The following ACCSL variants were observed in gnomAD, a reference collection of about 807,000 sequenced individuals.
The protein encoded by ACCSL is probable inactive 1-aminocyclopropane-1-carboxylate synthase-like protein 2.
ACCSL carries 55 observed loss-of-function variants against 61.7 expected under a neutral mutation model. The ratio of observed to expected loss-of-function variants is 0.89; its 90% confidence interval spans 0.72 to 1.12. The LOEUF (loss-of-function observed/expected upper bound fraction) is 1.12. Ranked by LOEUF, ACCSL falls within the 50% of genes most tolerant of loss-of-function variation. ACCSL has a pLI of 0.00. For synonymous variants in ACCSL, 258 were observed against 264.3 expected, an observed-to-expected ratio of 0.98 and a Z score of 0.23; for missense variants, 632 against 698.0, an observed-to-expected ratio of 0.91 and a Z score of 1.07.
At chr11:44,016,135 G>C in the ACCSL span, among the ~76,000 whole-genome samples, 7 of 151,928 alleles carry the variant, frequency 4.6e-5, no homozygotes, top group African/African-American at 1.5e-4. Flanking sequence ...TTTCTTTTTT[G>C]TGCCTTGATA....
At chr11:43,946,640 C>A in the ACCSL span, among the ~76,000 whole-genome samples, 1 of 152,160 alleles carries the variant, frequency 6.6e-6, no homozygotes, top group African/African-American at 2.4e-5. Flanking sequence ...ATGCATCGAT[C>A]CACATCATAG....
At chr11:43,989,901 C>T in the ACCSL span, among the ~76,000 whole-genome samples, 12 of 152,394 alleles carry the variant, frequency 7.9e-5, no homozygotes, top group African/African-American at 2.2e-4. Context: ...CTGGCGGCCC[C>T]GCCAAGAGGT....
At chr11:43,953,169 C>T in the ACCSL span, among the ~76,000 whole-genome samples, 2 of 152,158 alleles carry the variant, frequency 1.3e-5, no homozygotes, top group African/African-American at 4.8e-5. Context: ...TTCTTTGTTA[C>T]AGGATGAGAG....
Position 44,053,611 on chromosome 11 carries a change from C to G in ACCSL, c.1049+105C>G. On this transcript the variant is annotated intron_variant, in intron 8 of 13. Coordinates refer to ENST00000378832, the MANE Select transcript of ACCSL (RefSeq NM_001031854.2). The stretch of plus-strand genomic sequence containing the variant: ...GATCTGGTGGCACATGCCTGTAATC[C>G]CAGCACTTTGGGAGGCCGAGAAGGT... The G allele has an allele frequency of 2.8e-6, 3 of 1,073,798 alleles. No individual in the cohort carries two copies. The South Asian group carries it at 4.2e-5, about 15-fold the overall frequency. The allele number at this position is 1,073,798 out of a possible 1,614,324, so 66.5% of individuals were successfully genotyped here.
chr11:43,977,168 G>A, the ACCSL span, among the ~76,000 whole-genome samples: 1 of 152,190 alleles, frequency 6.6e-6, no homozygotes, highest in Non-Finnish European at 1.5e-5. Flanking sequence ...GTGGCCCCAT[G>A]AGCTTGCTGC....
chr11:43,988,995 G>A, the ACCSL span, among the ~76,000 whole-genome samples: 2 of 152,006 alleles, frequency 1.3e-5, no homozygotes, highest in African/African-American at 4.8e-5. Context: ...GTGACAGTGC[G>A]AAAGATTGGT....
chr11:43,941,467 G>T, the ACCSL span, among the ~76,000 whole-genome samples: 2 of 152,204 alleles, frequency 1.3e-5, no homozygotes, highest in African/African-American at 2.4e-5. Flanking sequence ...CTCCTTTTTG[G>T]GTGGCCCTGT....
At chr11:43,968,280 C>T in the ACCSL span, among the ~76,000 whole-genome samples, 2 of 152,056 alleles carry the variant, frequency 1.3e-5, no homozygotes, top group African/African-American at 4.8e-5. Flanking sequence ...TTTTTGAAAT[C>T]AGCCACTCCC....
chr11:43,932,184 G>C, the ACCSL span, among the ~76,000 whole-genome samples: 2 of 152,372 alleles, frequency 1.3e-5, no homozygotes, highest in African/African-American at 4.8e-5. Context: ...TGTCTGGTGA[G>C]ATCCTCATGA....
the ACCSL span, among the ~76,000 whole-genome samples, chr11:43,964,127 T>C: frequency 1.3e-5 from 2 of 151,992 alleles, no homozygotes; most frequent in Non-Finnish European, 2.9e-5. Context: ...GAATCAGTAA[T>C]AGAAAACTTC....
chr11:44,039,328 A>C, the ACCSL span, among the ~76,000 whole-genome samples: 1 of 152,226 alleles, frequency 6.6e-6, no homozygotes, highest in African/African-American at 2.4e-5. Context: ...AGCCATAAAA[A>C]AGGAATGAAT....
the ACCSL span, chr11:44,001,263 C>G: frequency 6.6e-6 from 1 of 151,480 alleles, no homozygotes; most frequent in African/African-American, 2.4e-5. Context: ...GAACAATACT[C>G]GTTATTTGTA....
At chr11:43,987,792 G>C in the ACCSL span, among the ~76,000 whole-genome samples, 67 of 152,324 alleles carry the variant, frequency 4.4e-4, no homozygotes, top group South Asian at 1.4e-3. Context: ...CCAGCGCTCG[G>C]GGGGGTCAAG....
chr11:43,936,223 G>A, the ACCSL span, among the ~76,000 whole-genome samples: 1 of 152,108 alleles, frequency 6.6e-6, no homozygotes, highest in Non-Finnish European at 1.5e-5. Flanking sequence ...TATGATTAGA[G>A]TGCAGCGTTG....
chr11:44,019,697 T>C, the ACCSL span, among the ~76,000 whole-genome samples: 1 of 152,210 alleles, frequency 6.6e-6, no homozygotes, highest in African/African-American at 2.4e-5. Flanking sequence ...CTTTTGAAAG[T>C]TATCTTTTTA....
chr11:43,926,907 C>T, the ACCSL span, among the ~76,000 whole-genome samples: 7 of 152,164 alleles, frequency 4.6e-5, no homozygotes, highest in African/African-American at 9.7e-5. Flanking sequence ...CACCCCACCA[C>T]ACCTGGCTAA....
the ACCSL span, among the ~76,000 whole-genome samples, chr11:43,941,236 A>G: frequency 2.6e-5 from 4 of 152,044 alleles, no homozygotes; most frequent in South Asian, 8.3e-4. Flanking sequence ...TCCCCAGCTC[A>G]TCGCCCTACT....
At chr11:43,934,772 T>C in the ACCSL span, among the ~76,000 whole-genome samples, 1 of 152,188 alleles carries the variant, frequency 6.6e-6, no homozygotes, top group South Asian at 2.1e-4. Flanking sequence ...TGCCCCAACC[T>C]GGTTCTTCCC....
chr11:44,052,609 A>G, intron 5 of ACCSL, 53 bp from the exon 6 acceptor site: 1 of 1,509,596 alleles, frequency 6.6e-7, no homozygotes, highest in Non-Finnish European at 9.2e-7. Flanking sequence ...GCCTGGCAAC[A>G]GGCTCTGATT....
Sources: gnomAD v4.1 joint callset for allele counts (sites outside exome capture counted in the v4.1 genomes callset) on GRCh38, gnomAD v4.1.1 for gene constraint, MANE v1.5 for transcripts, NCBI Gene and HGNC (gene_info 2026-07-23, HGNC 2026-07-21) for gene names.